VEZF1: variants seen among roughly 807,000 people sequenced by gnomAD.
The protein encoded by VEZF1 is putative transcription factor DB1.
Under a neutral mutation model 44.1 loss-of-function variants are expected in VEZF1, and 5 were observed. That is an observed-to-expected ratio of 0.11 (90% CI 0.06 to 0.24). The LOEUF (loss-of-function observed/expected upper bound fraction) is 0.24, where lower values mean the gene tolerates loss of function less well. Among genes scored for constraint, VEZF1 ranks in the 10% least tolerant of loss-of-function variants. VEZF1 has a pLI of 1.00. For missense variants in VEZF1, 358 were observed against 641.8 expected, an observed-to-expected ratio of 0.56 and a Z score of 4.78; for synonymous variants, 236 against 233.1, an observed-to-expected ratio of 1.01 and a Z score of -0.11.
Position 57,979,237 on chromosome 17 carries a change from TTGTTGTTGCTGCTGCTGCTGCTGCTGC to T in VEZF1, c.1026_1052del (p.Gln346_Gln354del). The T allele has an allele frequency of 6.2e-7, 1 of 1,612,192 alleles. No individual in the cohort carries two copies. The highest frequency in any genetic ancestry group is 8.5e-7 in the Non-Finnish European group (1 of 1,179,256). On this transcript the variant is annotated inframe_deletion, in exon 5 of 6. Coordinates refer to ENST00000581208, the MANE Select transcript of VEZF1 (RefSeq NM_007146.3). Reference sequence around the variant, plus strand: ...GCCAGCTTGTCACATGTTGTTGTTGTTGTTGTTGCTGCTGCTGCTGCTGCTGCTGCTGCTGCTGCTGCTGCTTTTGGT... The same window carrying T: ...GCCAGCTTGTCACATGTTGTTGTTGTTGCTGCTGCTGCTGCTGCTTTTGGT...
In VEZF1 at chr17:57,973,193, T is replaced by G. The variant is rs1346127041; in HGVS notation, c.*1280A>C. 6.6e-6 allele frequency: 1 copy of G among 152,106 alleles called. No homozygotes were observed. The highest frequency in any genetic ancestry group is 2.4e-5 in the African/African-American group (1 of 41,416). The allele number at this position is 152,106 out of a possible 1,614,324, so 9.4% of individuals were successfully genotyped here. A position where few individuals can be genotyped will look rare whatever the true frequency, so the allele number is the denominator to read the frequency against. On this transcript the variant is annotated 3_prime_UTR_variant, in exon 6 of 6. Coordinates refer to ENST00000581208, the MANE Select transcript of VEZF1 (RefSeq NM_007146.3). ...CTTTATGTACAGAGATAAAATATCT[T>G]GCTAAGAAATAAAAAGCACATGTCT...
Position 57,982,740 on chromosome 17 carries a change from G to T in VEZF1, c.687C>A (p.Thr229=). ...YHVRSHEGGI[T]KPYTCSVCGK... is the part of the protein sequence containing the mutation. ...CACAAACACTGCAAGTATAGGGTTT[G>T]GTGATGCCTCCTTCATGAGACCTCA... The change falls in exon 2 of 6, where the codon ACC becomes ACA. Residue 229 remains threonine (T), a synonymous_variant. Coordinates refer to ENST00000581208, the MANE Select transcript of VEZF1 (RefSeq NM_007146.3). 6.2e-7 allele frequency: 1 copy of T among 1,614,128 alleles called. No individual in the cohort carries two copies. Among genetic ancestry groups the T allele is most frequent in the Non-Finnish European group, 8.5e-7 (1 of 1,179,992 alleles).
chr17:57,982,078 G>A (rs1278418814), intron 2 of VEZF1, 142 bp from the exon 3 acceptor site: 7 of 771,422 alleles, frequency 9.1e-6, no homozygotes, highest in African/African-American at 8.7e-5. Flanking sequence ...CTCCCCCGGT[G>A]CAAGTCTCCT....
intron 1 of VEZF1, chr17:57,985,286 CAT>C: frequency 1.6e-6 from 2 of 1,231,658 alleles, no homozygotes; most frequent in Non-Finnish European, 2.0e-6. Context: ...TCTGTGGCAA[CAT>C]AAAGTATTTT....
At chr17:57,982,075 G>A (rs574239547) in intron 2 of VEZF1, 139 bp from the exon 3 acceptor site, 72 of 785,752 alleles carry the variant, frequency 9.2e-5, no homozygotes, top group African/African-American at 6.5e-4. Context: ...TCCCTCCCCC[G>A]GTGCAAGTCT....
chr17:57,980,972 T>A (rs1229925316), intron 3 of VEZF1, among the ~76,000 whole-genome samples, 186 bp from the exon 4 acceptor site: 1 of 152,196 alleles, frequency 6.6e-6, no homozygotes, highest in Non-Finnish European at 1.5e-5. Flanking sequence ...ACTCTTCCAT[T>A]TTGAAGGAAG....
intron 5 of VEZF1, among the ~76,000 whole-genome samples, chr17:57,975,314 A>C (rs1405625871): frequency 1.3e-5 from 2 of 152,254 alleles, no homozygotes; most frequent in Non-Finnish European, 2.9e-5. Context: ...GGCCAGGCTA[A>C]AGAGCTTGTT....
Position 57,980,720 on chromosome 17 carries a change from C to T in VEZF1, c.859G>A (p.Val287Ile). The T allele has an allele frequency of 6.2e-7, 1 of 1,614,232 alleles. No individual in the cohort carries two copies. The highest frequency in any genetic ancestry group is 8.5e-7 in the Non-Finnish European group (1 of 1,180,038). ...RTHMVRHEGK[V>I]SCNICGKLLS... is the part of the protein sequence containing the mutation. ...AGCTTCCCACAGATGTTACATGATA[C>T]CTTGCCTTCATGGCGCACCATGTGT... is the stretch of plus-strand genomic sequence containing the variant. The change falls in exon 4 of 6, where the codon GTA (valine) becomes ATA (isoleucine). Residue 287 changes from valine (V) to isoleucine (I), a missense_variant. Val to Ile is a conservative substitution (Grantham distance 29). This residue lies in a region of VEZF1 where 48 missense variants were observed against 144.9 expected (regional missense o/e 0.33). Coordinates refer to ENST00000581208, the MANE Select transcript of VEZF1 (RefSeq NM_007146.3).
rs1295963871 is a variant in VEZF1, at chr17:57,973,533, T to A, written c.*940A>T. The A allele has an allele frequency of 6.6e-6, 1 of 152,588 alleles. No homozygotes were observed. The highest frequency in any genetic ancestry group is 1.5e-5 in the Non-Finnish European group (1 of 68,034). The allele number at this position is 152,588 out of a possible 1,614,324, so 9.5% of individuals were successfully genotyped here. On this transcript the variant is annotated 3_prime_UTR_variant, in exon 6 of 6. Transcript: ENST00000581208. ...CTGTTGTAATATCAACAGGCTCTGA[T>A]TGGGAGAGAGAGGGGCATATCACAT...
At position 57,983,406 on chromosome 17, in the gene VEZF1, A is replaced by AT. The variant is rs1455050780; in HGVS notation, c.34-14dup. Reference sequence around the variant, plus strand: ...AAGCTTCATGGGCCTAAAACCAAACATTTACACTTCAGAAACTCAGCCTCT... The same window carrying AT: ...AAGCTTCATGGGCCTAAAACCAAACATTTTACACTTCAGAAACTCAGCCTCT... On this transcript the variant is annotated splice_polypyrimidine_tract_variant and intron_variant, in intron 1 of 5. Transcript: ENST00000581208. The AT allele has an allele frequency of 6.3e-7, 1 of 1,582,180 alleles. No homozygotes were observed. Among genetic ancestry groups the AT allele is most frequent in the Non-Finnish European group, 8.5e-7 (1 of 1,170,036 alleles).
intron 1 of VEZF1, among the ~76,000 whole-genome samples, chr17:57,984,184 C>A (rs1364259029): frequency 6.6e-6 from 1 of 152,240 alleles, no homozygotes; most frequent in Non-Finnish European, 1.5e-5. Flanking sequence ...AAATTCCTTT[C>A]ATATTCATCT....
intron 1 of VEZF1, among the ~76,000 whole-genome samples, chr17:57,987,418 T>G (rs2075306459): frequency 6.6e-6 from 1 of 150,844 alleles, no homozygotes; most frequent in Non-Finnish European, 1.5e-5. Context: ...AGTGAAAAAG[T>G]TTGGGGAGGG....
At chr17:57,976,966 T>C (rs1012760238) in intron 5 of VEZF1, among the ~76,000 whole-genome samples, 3 of 152,184 alleles carry the variant, frequency 2.0e-5, no homozygotes, top group Non-Finnish European at 2.9e-5. Flanking sequence ...AATCTAAGAG[T>C]GTCCTTTTAC....
chr17:57,976,978 A>G (rs2075198074), intron 5 of VEZF1, among the ~76,000 whole-genome samples: 1 of 152,074 alleles, frequency 6.6e-6, no homozygotes, highest in Admixed American at 6.5e-5. Flanking sequence ...TCCTTTTACT[A>G]TGACTTAAAC....
intron 4 of VEZF1, among the ~76,000 whole-genome samples, chr17:57,980,160 T>C (rs1244247671): frequency 1.3e-5 from 2 of 152,168 alleles, no homozygotes; most frequent in African/African-American, 4.8e-5. Context: ...GAGAATTTGA[T>C]GTTTCTACTG....
rs1170173620 is a variant in VEZF1, at chr17:57,973,967, G to A, written c.*506C>T. On this transcript the variant is annotated 3_prime_UTR_variant, in exon 6 of 6. Coordinates refer to ENST00000581208, the MANE Select transcript of VEZF1 (RefSeq NM_007146.3). ...CCCAAAGGTAAAATGCATATTCTCT[G>A]AAATGCATTTTATTATGACAATGCA... is the stretch of plus-strand genomic sequence containing the variant. 6.3e-6 allele frequency: 1 copy of A among 158,880 alleles called. No homozygotes were observed. Among genetic ancestry groups the A allele is most frequent in the Non-Finnish European group, 1.4e-5 (1 of 71,338 alleles). The allele number at this position is 158,880 out of a possible 1,614,324, so 9.8% of individuals were successfully genotyped here. A position where few individuals can be genotyped will look rare whatever the true frequency, so the allele number is the denominator to read the frequency against.
intron 5 of VEZF1, among the ~76,000 whole-genome samples, chr17:57,975,625 TCTC>T (rs1246417345): frequency 1.3e-5 from 2 of 152,254 alleles, no homozygotes; most frequent in African/African-American, 4.8e-5. Context: ...AAGTTCATGT[TCTC>T]CTCACTCCCA....
At chr17:57,983,440 C>T in intron 1 of VEZF1, 47 bp from the exon 2 acceptor site, 1 of 1,502,972 alleles carries the variant, frequency 6.7e-7, no homozygotes, top group Non-Finnish European at 8.9e-7. Flanking sequence ...CTCACAATGG[C>T]CTTCGAAATT....
chr17:57,988,054 G>T (rs569714488), intron 1 of VEZF1, 25 bp downstream of exon 1: 2 of 303,610 alleles, frequency 6.6e-6, no homozygotes, highest in Non-Finnish European at 1.1e-5. Flanking sequence ...TCCCCCCCGT[G>T]CCCCCCCGGG....
Sources: gnomAD v4.1 joint callset for allele counts (sites outside exome capture counted in the v4.1 genomes callset) on GRCh38, gnomAD v4.1.1 for gene constraint, gnomAD v4.1.1 regional missense constraint, MANE v1.5 for transcripts, NCBI Gene and HGNC (gene_info 2026-07-23, HGNC 2026-07-21) for gene names.